The following MYO9A variants were observed in gnomAD, a reference collection of about 807,000 sequenced individuals.
The protein encoded by MYO9A is unconventional myosin-IXa.
A neutral mutation model predicts 293.3 loss-of-function variants in MYO9A; 103 were observed. The observed-to-expected ratio is 0.35, with a 90% confidence interval of 0.30 to 0.41. The LOEUF (loss-of-function observed/expected upper bound fraction) is 0.41. Among genes scored for constraint, MYO9A ranks in the 10% least tolerant of loss-of-function variants. The probability of loss-of-function intolerance (pLI) is 1.00; values close to 1 mark genes in which losing one functional copy is unlikely to be tolerated. For synonymous variants in MYO9A, 1,001 were observed against 1,035.7 expected (o/e 0.97, Z 0.64); for missense variants, 2,685 against 3,033.0 (o/e 0.89, Z 2.69).
At chr15:71,851,212 G>A in intron 37 of MYO9A, 41 bp downstream of exon 37, 2 of 1,441,740 alleles carry the variant, frequency 1.4e-6, no homozygotes, top group South Asian at 1.2e-5. Context: ...AATAATCCAA[G>A]AGAAACTATT....
intron 1 of MYO9A, among the ~76,000 whole-genome samples, chr15:72,051,364 G>A (rs187182475): frequency 7.2e-4 from 109 of 152,286 alleles, no homozygotes; most frequent in African/African-American, 2.6e-3. Flanking sequence ...TGACAGGGCA[G>A]GAGTTTCGTG....
At chr15:71,908,301 T>C (rs1259047300) in intron 19 of MYO9A, among the ~76,000 whole-genome samples, 1 of 152,176 alleles carries the variant, frequency 6.6e-6, no homozygotes, top group African/African-American at 2.4e-5. Flanking sequence ...TCCATTGATC[T>C]ATATCTCTGT....
At chr15:71,918,542 T>C (rs2058071872) in intron 18 of MYO9A, among the ~76,000 whole-genome samples, 1 of 152,194 alleles carries the variant, frequency 6.6e-6, no homozygotes, top group African/African-American at 2.4e-5. Flanking sequence ...AGGGCATTTG[T>C]GCTAATTAGA....
At chr15:71,835,042 T>C (rs531767412) in intron 39 of MYO9A, among the ~76,000 whole-genome samples, 1 of 152,096 alleles carries the variant, frequency 6.6e-6, no homozygotes, top group African/African-American at 2.4e-5. Context: ...ATCAATGCAA[T>C]AAAAAAGTCT....
At chr15:71,987,813 C>T (rs78219686) in intron 11 of MYO9A, among the ~76,000 whole-genome samples, 2 of 152,204 alleles carry the variant, frequency 1.3e-5, no homozygotes, top group East Asian at 3.9e-4. Flanking sequence ...AACAAGTAAT[C>T]ACTGAGTACC....
In MYO9A at chr15:72,043,661, C is replaced by T. The variant is rs2078293386; in HGVS notation, c.840+2063G>A. The stretch of plus-strand genomic sequence containing the variant: ...CATACTAATCTACAGTGACAGAAAG[C>T]ACTTAACTGGTTTCCCATATATGGG... On this transcript the variant is annotated intron_variant, in intron 2 of 41. Transcript: ENST00000356056. Among the ~76,000 whole-genome samples the T allele has an allele frequency of 2.0e-5, 3 of 152,068 alleles. No homozygotes were observed. The South Asian group carries it at 6.2e-4, about 31-fold the overall frequency.
intron 6 of MYO9A, among the ~76,000 whole-genome samples, chr15:72,014,931 C>T (rs934637633): frequency 8.6e-5 from 13 of 151,990 alleles, no homozygotes; most frequent in African/African-American, 3.1e-4. Context: ...GCAACCTCTG[C>T]CTCCTGGGAT....
chr15:72,037,105 G>T (rs2078073284), intron 2 of MYO9A, among the ~76,000 whole-genome samples: 2 of 151,656 alleles, frequency 1.3e-5, no homozygotes, highest in African/African-American at 4.8e-5. Context: ...GTGTCATAAG[G>T]ACTTTCTTGA....
chr15:71,857,782 T>TA (rs2055922822), intron 34 of MYO9A, among the ~76,000 whole-genome samples: 2 of 152,164 alleles, frequency 1.3e-5, no homozygotes, highest in Admixed American at 1.3e-4. Flanking sequence ...AAAGAGCTTC[T>TA]ACACAGCAAA....
At chr15:71,940,969 G>A (rs2058758557) in intron 15 of MYO9A, among the ~76,000 whole-genome samples, 1 of 152,024 alleles carries the variant, frequency 6.6e-6, no homozygotes. Context: ...AGGAGGGGGA[G>A]GAGGAGTAAA....
intron 2 of MYO9A, among the ~76,000 whole-genome samples, chr15:72,034,590 T>C (rs1354952116): frequency 6.6e-6 from 1 of 152,214 alleles, no homozygotes; most frequent in Non-Finnish European, 1.5e-5. Flanking sequence ...GAACAGTTTG[T>C]CCATTCTGCT....
At chr15:72,100,675 A>G in intron 1 of MYO9A, among the ~76,000 whole-genome samples, 1 of 147,570 alleles carries the variant, frequency 6.8e-6, no homozygotes, top group Non-Finnish European at 1.5e-5. Flanking sequence ...GGTGAGGAGC[A>G]TCTCTGCCCC....
chr15:72,101,612 C>G (rs1454913389), intron 1 of MYO9A, among the ~76,000 whole-genome samples: 2 of 121,554 alleles, frequency 1.6e-5, no homozygotes, highest in Non-Finnish European at 3.5e-5. Flanking sequence ...CCCCTCTGCC[C>G]GGCCAGCCGC....
chr15:71,962,665 AT>A (rs2075774216), intron 13 of MYO9A, among the ~76,000 whole-genome samples: 1 of 152,190 alleles, frequency 6.6e-6, no homozygotes, highest in African/African-American at 2.4e-5. Flanking sequence ...AATAAAGCAG[AT>A]TTAGTCATAA....
At chr15:72,047,068 A>C (rs886220642) in intron 1 of MYO9A, among the ~76,000 whole-genome samples, 2 of 152,236 alleles carry the variant, frequency 1.3e-5, no homozygotes, top group Non-Finnish European at 2.9e-5. Flanking sequence ...AAGCATCCCA[A>C]CAATGGAGCA....
rs780727961 is a variant in MYO9A, at chr15:71,850,765, C to CAAAAAAAAAAAAAA, written c.6581+474_6581+487dup. The stretch of plus-strand genomic sequence containing the variant: ...TGGGTGACAGACTGAAACTGTGTCT[C>CAAAAAAAAAAAAAA]AAAAAAAAAAAAAAAAAAAAAAAAA... On this transcript the variant is annotated intron_variant, in intron 37 of 41. Coordinates refer to ENST00000356056, the MANE Select transcript of MYO9A (RefSeq NM_006901.4). 4.8e-4 allele frequency among the ~76,000 whole-genome samples: 21 copies of CAAAAAAAAAAAAAA among 44,122 alleles called. 2 individuals are homozygous for CAAAAAAAAAAAAAA. The highest frequency in any genetic ancestry group is 1.1e-3 in the African/African-American group (11 of 10,004). The allele number at this position is 44,122 out of a possible 152,430, so 28.9% of individuals were successfully genotyped here.
intron 14 of MYO9A, among the ~76,000 whole-genome samples, chr15:71,954,654 G>C (rs755112621): frequency 6.6e-6 from 1 of 152,212 alleles, no homozygotes; most frequent in Non-Finnish European, 1.5e-5. Flanking sequence ...CAGATGTGGG[G>C]CATTGATTTT....
chr15:71,914,231 G>A (rs1205545554), intron 19 of MYO9A, among the ~76,000 whole-genome samples: 2 of 152,078 alleles, frequency 1.3e-5, no homozygotes, highest in Non-Finnish European at 2.9e-5. Flanking sequence ...ATCATCTTTA[G>A]GTGTTAATCT....
At chr15:71,905,517 G>A (rs1206459309) in intron 19 of MYO9A, among the ~76,000 whole-genome samples, 1 of 152,058 alleles carries the variant, frequency 6.6e-6, no homozygotes, top group African/African-American at 2.4e-5. Flanking sequence ...AGGCATGGTG[G>A]CTCACGCCTA....
Sources: gnomAD v4.1 joint callset for allele counts (sites outside exome capture counted in the v4.1 genomes callset) on GRCh38, gnomAD v4.1.1 for gene constraint, MANE v1.5 for transcripts, NCBI Gene and HGNC (gene_info 2026-07-23, HGNC 2026-07-21) for gene names.